MCTP1: variants seen among roughly 807,000 people sequenced by gnomAD.
MCTP1 encodes multiple C2 and transmembrane domain containing 1.
In MCTP1, 69 loss-of-function variants were observed where a neutral mutation model predicts 120.6. The observed-to-expected ratio is 0.57, with a 90% CI of 0.47 to 0.70. The LOEUF is 0.70. Among genes scored for constraint, MCTP1 ranks in the 30% least tolerant of loss-of-function variants. The pLI, the probability that MCTP1 is intolerant of heterozygous loss-of-function variation, is 0.00. For synonymous variants in MCTP1, 529 were observed against 493.1 expected (o/e 1.07, Z -0.96); for missense variants, 1,203 against 1,248.8 (o/e 0.96, Z 0.55).
chr5:94,721,747 C>T (rs1760937245), intron 19 of MCTP1, among the ~76,000 whole-genome samples: 1 of 151,182 alleles, frequency 6.6e-6, no homozygotes, highest in Admixed American at 6.6e-5. Flanking sequence ...TTGGTACATT[C>T]CTTTATTGTT....
intron 18 of MCTP1, among the ~76,000 whole-genome samples, chr5:94,780,476 A>G (rs570350482): frequency 8.5e-4 from 116 of 135,990 alleles, no homozygotes; most frequent in Non-Finnish European, 1.5e-3. Flanking sequence ...ATATATAATG[A>G]AAGCATCTGA....
At chr5:95,225,428 A>G (rs1225045705) in intron 1 of MCTP1, among the ~76,000 whole-genome samples, 2 of 152,200 alleles carry the variant, frequency 1.3e-5, no homozygotes, top group Non-Finnish European at 1.5e-5. Context: ...GACCCAGGCT[A>G]TAGGAACATA....
At chr5:95,213,202 A>G (rs1161807617) in intron 1 of MCTP1, among the ~76,000 whole-genome samples, 5 of 152,212 alleles carry the variant, frequency 3.3e-5, no homozygotes, top group Admixed American at 2.0e-4. Flanking sequence ...AATCACAAGC[A>G]TTGTTATACA....
intron 1 of MCTP1, among the ~76,000 whole-genome samples, chr5:95,179,660 C>G (rs1338389587): frequency 6.6e-6 from 1 of 152,178 alleles, no homozygotes; most frequent in African/African-American, 2.4e-5. Flanking sequence ...TCTGGCACTA[C>G]AAGAACTGCT....
chr5:94,956,144 C>T (rs545241248), intron 2 of MCTP1, among the ~76,000 whole-genome samples: 1 of 152,282 alleles, frequency 6.6e-6, no homozygotes, highest in African/African-American at 2.4e-5. Flanking sequence ...TTGACCCCAG[C>T]AAATTCCAGT....
intron 1 of MCTP1, among the ~76,000 whole-genome samples, chr5:95,176,460 G>C (rs1232589511): frequency 1.3e-5 from 2 of 152,196 alleles, no homozygotes; most frequent in Non-Finnish European, 2.9e-5. Context: ...AGGAGGCAGA[G>C]GTTGGAGTGA....
chr5:94,919,478 T>C (rs759563204), intron 7 of MCTP1, among the ~76,000 whole-genome samples: 2 of 152,220 alleles, frequency 1.3e-5, no homozygotes, highest in Non-Finnish European at 2.9e-5. Context: ...GCTTTTGTTA[T>C]CCTGGATTTT....
intron 1 of MCTP1, among the ~76,000 whole-genome samples, chr5:95,253,785 C>T (rs1342060533): frequency 1.3e-5 from 2 of 151,904 alleles, no homozygotes; most frequent in African/African-American, 2.4e-5. Flanking sequence ...GTGGTGGGAA[C>T]GAGTGTGGGA....
intron 17 of MCTP1, among the ~76,000 whole-genome samples, chr5:94,848,191 A>T (rs1026121987): frequency 1.3e-5 from 2 of 152,224 alleles, no homozygotes; most frequent in African/African-American, 2.4e-5. Context: ...TTAATAAAGG[A>T]ATATGTCATT....
chr5:94,835,596 C>T (rs1423745325), intron 17 of MCTP1, among the ~76,000 whole-genome samples: 1 of 152,164 alleles, frequency 6.6e-6, no homozygotes, highest in East Asian at 1.9e-4. Context: ...TACGTACTCA[C>T]TAAAAGGGTT....
intron 1 of MCTP1, among the ~76,000 whole-genome samples, chr5:95,123,679 T>C (rs1197673645): frequency 6.6e-6 from 1 of 150,942 alleles, no homozygotes; most frequent in Middle Eastern, 3.4e-3. Flanking sequence ...AGATGGAGTC[T>C]CGCTCTGTTG....
chr5:94,714,836 T>C lies in MCTP1; in HGVS notation c.2661A>G (p.Val887=), dbSNP rs748806754. ...CTAGGATGTTCTGGACACTGACACA[T>C]ACCTCCTGGATGGCATAGATTTTAT... The part of the protein sequence containing the change: ...FINKIYAIQE[V]CVSVQNILDE... Residue 887 remains valine, a synonymous_variant, in exon 20 of 23, where the codon GTA becomes GTG. Coordinates refer to ENST00000515393, the MANE Select transcript of MCTP1 (RefSeq NM_024717.7). The C allele has an allele frequency of 1.7e-5, 28 of 1,612,950 alleles. No individual in the cohort carries two copies. The highest frequency in any genetic ancestry group is 2.3e-5 in the Non-Finnish European group (27 of 1,179,132).
chr5:94,732,843 G>T (rs548475170), intron 19 of MCTP1, among the ~76,000 whole-genome samples: 52 of 152,296 alleles, frequency 3.4e-4, no homozygotes, highest in African/African-American at 1.2e-3. Context: ...AGAACTGTGA[G>T]ATACAAGTTT....
In MCTP1 at chr5:94,826,016, A is replaced by G. The variant is rs569222097; in HGVS notation, c.2437-26884T>C. ...CCTCCCTGTTGCATCTCCACCTTCT[A>G]CAAAATGGGTGCTCTGTTTCTTCAT... On this transcript the variant is annotated intron_variant, in intron 17 of 22. Transcript: ENST00000515393. The G allele has an allele frequency of 3.8e-5, 12 of 316,760 alleles. 1 individual carries two copies. The South Asian group carries it at 3.9e-4, about 10-fold the overall frequency. The allele number at this position is 316,760 out of a possible 1,614,324, so 19.6% of individuals were successfully genotyped here.
chr5:94,806,890 T>C (rs1782438156), intron 17 of MCTP1, among the ~76,000 whole-genome samples: 1 of 152,166 alleles, frequency 6.6e-6, no homozygotes, highest in South Asian at 2.1e-4. Context: ...AAGAAAAAAT[T>C]TTCTGCCTAC....
rs1413909867 is a variant in MCTP1 at position 95,084,298 on chromosome 5, G to T, written c.721-66814C>A. 3.9e-5 allele frequency among the ~76,000 whole-genome samples: 6 copies of T among 151,966 alleles called. No individual in the cohort carries two copies. The East Asian group carries it at 1.2e-3, about 29-fold the overall frequency. ...TTGGTACATTGTACTCACTCTAAGT[G>T]GACTACTCTCCTTTATTATTTTTTA... On this transcript the variant is annotated intron_variant, in intron 1 of 22. Coordinates refer to ENST00000515393, the MANE Select transcript of MCTP1 (RefSeq NM_024717.7).
chr5:95,012,173 A>G (rs1457311051), intron 2 of MCTP1, among the ~76,000 whole-genome samples: 2 of 152,130 alleles, frequency 1.3e-5, no homozygotes, highest in African/African-American at 4.8e-5. Context: ...ATATCTGTAT[A>G]TATATTAATA....
intron 1 of MCTP1, among the ~76,000 whole-genome samples, chr5:95,110,470 T>C (rs1757374558): frequency 6.6e-6 from 1 of 152,142 alleles, no homozygotes; most frequent in Non-Finnish European, 1.5e-5. Flanking sequence ...AGTTCCAATA[T>C]GGAAGGAACT....
At chr5:94,766,581 G>A (rs1019835355) in intron 19 of MCTP1, among the ~76,000 whole-genome samples, 1 of 151,976 alleles carries the variant, frequency 6.6e-6, no homozygotes, top group African/African-American at 2.4e-5. Flanking sequence ...TAAATGACGA[G>A]TTAACGGATG....
Sources: gnomAD v4.1 joint callset for allele counts (sites outside exome capture counted in the v4.1 genomes callset) on GRCh38, gnomAD v4.1.1 for gene constraint, MANE v1.5 for transcripts, NCBI Gene and HGNC (gene_info 2026-07-23, HGNC 2026-07-21) for gene names.